ZMYND8: variants seen among roughly 807,000 people sequenced by gnomAD.
ZMYND8 encodes the protein MYND-type zinc finger-containing chromatin reader ZMYND8.
A neutral mutation model predicts 140.8 loss-of-function variants in ZMYND8; 37 were observed. The ratio of observed to expected loss-of-function variants is 0.26; its 90% CI spans 0.20 to 0.35. The LOEUF is 0.35. Ranked by LOEUF, ZMYND8 falls within the 10% of genes least tolerant of loss-of-function variation. ZMYND8 has a pLI of 1.00. For synonymous variants in ZMYND8, 592 were observed against 597.1 expected (o/e 0.99, Z 0.12); for missense variants, 1,068 against 1,570.0 (o/e 0.68, Z 5.40).
intron 15 of ZMYND8, chr20:47,238,536 T>G (rs984430837): frequency 2.6e-6 from 2 of 764,426 alleles, no homozygotes; most frequent in Non-Finnish European, 4.2e-6. Flanking sequence ...TATGCATGTA[T>G]CATTTATAAA....
At chr20:47,218,432 A>G (rs571044661) in intron 21 of ZMYND8, among the ~76,000 whole-genome samples, 2 of 152,304 alleles carry the variant, frequency 1.3e-5, no homozygotes, top group Non-Finnish European at 2.9e-5. Context: ...TGCTTAGTTC[A>G]TGTTTTTATT....
intron 9 of ZMYND8, 53 bp from the exon 10 acceptor site, chr20:47,282,270 C>G (rs1276592124): frequency 3.3e-6 from 5 of 1,515,262 alleles, no homozygotes; most frequent in Non-Finnish European, 3.6e-6. Context: ...CAGCAAGATA[C>G]TCACTAAAGT....
At chr20:47,313,877 G>A (rs2079162456) in intron 2 of ZMYND8, among the ~76,000 whole-genome samples, 1 of 152,050 alleles carries the variant, frequency 6.6e-6, no homozygotes, top group Non-Finnish European at 1.5e-5. Flanking sequence ...GGGTTGCAGT[G>A]AGCTGAGATC....
At chr20:47,348,860 G>C (rs1022957301) in intron 1 of ZMYND8, 1 of 152,190 alleles carries the variant, frequency 6.6e-6, no homozygotes, top group Admixed American at 6.5e-5. Flanking sequence ...TGAGGTGCTA[G>C]AACTTTCCAA....
chr20:47,216,738 C>T (rs1161009227), intron 21 of ZMYND8, among the ~76,000 whole-genome samples: 1 of 152,012 alleles, frequency 6.6e-6, no homozygotes, highest in African/African-American at 2.4e-5. Flanking sequence ...ACCCAGGAGG[C>T]AGAGGTTGCA....
chr20:47,240,720 A>C (rs1345474274), intron 14 of ZMYND8, among the ~76,000 whole-genome samples: 2 of 150,238 alleles, frequency 1.3e-5, no homozygotes, highest in East Asian at 4.2e-4. Flanking sequence ...GCACCCAGCT[A>C]ATTTTTTTTA....
intron 3 of ZMYND8, among the ~76,000 whole-genome samples, chr20:47,303,955 T>C (rs1020159610): frequency 6.6e-6 from 1 of 152,218 alleles, no homozygotes; most frequent in African/African-American, 2.4e-5. Context: ...GAGAGCTAGA[T>C]GCCTGGTTAA....
At chr20:47,324,697 TC>T (rs1197191503) in intron 2 of ZMYND8, among the ~76,000 whole-genome samples, 1 of 151,964 alleles carries the variant, frequency 6.6e-6, no homozygotes, top group Non-Finnish European at 1.5e-5. Context: ...TCCTTTCAGC[TC>T]CTTAGACAAG....
Position 47,212,695 on chromosome 20 carries a change from T to TA in ZMYND8, c.3514dup (p.Tyr1172LeufsTer24), listed in dbSNP as rs1279384780. On this transcript the variant is annotated frameshift_variant, in exon 22 of 23. Transcript: ENST00000471951. LOFTEE classifies it high-confidence loss of function. The stretch of plus-strand genomic sequence containing the variant: ...CTGGTGGTCTGTGGTGGTTGGGGCA[T>TA]AGGCAGGTTGCTTGTCACACCTTTT... The TA allele has an allele frequency of 3.7e-6, 6 of 1,613,286 alleles. No homozygotes were observed. In the African/African-American group the frequency reaches 8.0e-5, roughly 22 times the overall value.
intron 2 of ZMYND8, among the ~76,000 whole-genome samples, chr20:47,333,366 C>G (rs1452476886): frequency 6.6e-6 from 1 of 151,588 alleles, no homozygotes; most frequent in African/African-American, 2.4e-5. Flanking sequence ...CTTTGAGAGA[C>G]TGAGGGAGGC....
chr20:47,346,852 G>A (rs537252528), intron 2 of ZMYND8, among the ~76,000 whole-genome samples: 18 of 152,274 alleles, frequency 1.2e-4, no homozygotes, highest in Non-Finnish European at 2.2e-4. Context: ...GTGATGGTCC[G>A]CCTTGGCCTC....
At chr20:47,292,668 T>C (rs1049456508) in intron 5 of ZMYND8, among the ~76,000 whole-genome samples, 1 of 152,098 alleles carries the variant, frequency 6.6e-6, no homozygotes, top group Non-Finnish European at 1.5e-5. Context: ...TTCTGTACAG[T>C]ACTCTCAGGA....
chr20:47,319,136 C>A, intron 2 of ZMYND8: 1 of 946,700 alleles, frequency 1.1e-6, no homozygotes, highest in South Asian at 1.4e-5. Flanking sequence ...GTCTTGTACG[C>A]ATTAGGTCGC....
intron 10 of ZMYND8, among the ~76,000 whole-genome samples, chr20:47,279,435 C>T (rs1447484679): frequency 2.0e-5 from 3 of 152,036 alleles, no homozygotes; most frequent in Middle Eastern, 3.4e-3. Flanking sequence ...GAGACCCCGC[C>T]TCAAATAAAT....
intron 12 of ZMYND8, among the ~76,000 whole-genome samples, chr20:47,258,789 A>T (rs1034299744): frequency 2.0e-5 from 3 of 152,132 alleles, no homozygotes; most frequent in African/African-American, 7.2e-5. Flanking sequence ...AGAATTCCTT[A>T]ACATTGCCCT....
At chr20:47,230,629 A>G (rs1361412026) in intron 16 of ZMYND8, among the ~76,000 whole-genome samples, 1 of 152,094 alleles carries the variant, frequency 6.6e-6, no homozygotes, top group Non-Finnish European at 1.5e-5. Context: ...GAGAAGGATT[A>G]CTTTGTTTTG....
At chr20:47,309,616 T>C (rs991036144) in intron 3 of ZMYND8, among the ~76,000 whole-genome samples, 1 of 152,042 alleles carries the variant, frequency 6.6e-6, no homozygotes, top group African/African-American at 2.4e-5. Context: ...CTCTAAACCC[T>C]TCATTTTACA....
In ZMYND8 at chr20:47,246,019, G is replaced by A. The variant is rs1176087112; in HGVS notation, c.2273C>T (p.Pro758Leu). 1.3e-6 allele frequency: 2 copies of A among 1,598,100 alleles called. No homozygotes were observed. Among genetic ancestry groups the A allele is most frequent in the South Asian group, 2.3e-5 (2 of 88,166 alleles). The change falls in exon 14 of 23, where the codon CCC becomes CTC. Residue 758 changes from proline to leucine, a missense_variant. Around this residue, in one of 10 missense-constraint regions of ZMYND8, gnomAD observed 383 missense variants for 431.2 expected, o/e 0.89. Coordinates refer to ENST00000471951, the MANE Select transcript of ZMYND8 (RefSeq NM_001281775.3). ...ATACAATCACTTACCATCCTGTTTG[G>A]GAGATGGTTCTTTGGGTTCCTTCTT... ...KNKKEPKEPS[P>L]KQDVVGKTPP...
chr20:47,271,660 T>C (rs957919025), intron 11 of ZMYND8, among the ~76,000 whole-genome samples: 2 of 151,838 alleles, frequency 1.3e-5, no homozygotes, highest in African/African-American at 4.8e-5. Flanking sequence ...CTGTGAGAGG[T>C]GAGATTCTCA....
Sources: gnomAD v4.1 joint callset for allele counts (sites outside exome capture counted in the v4.1 genomes callset) on GRCh38, gnomAD v4.1.1 for gene constraint, gnomAD v4.1.1 regional missense constraint, MANE v1.5 for transcripts, NCBI Gene and HGNC (gene_info 2026-07-23, HGNC 2026-07-21) for gene names.